The following SLCO1B3 variants were observed in gnomAD, a reference collection of about 807,000 sequenced individuals.
SLCO1B3 encodes solute carrier organic anion transporter family member 1B3.
A neutral mutation model predicts 71.8 loss-of-function variants in SLCO1B3; 72 were observed. That is an observed-to-expected ratio of 1.00 (90% CI 0.83 to 1.22). The LOEUF (loss-of-function observed/expected upper bound fraction) is 1.22. Among genes scored for constraint, SLCO1B3 ranks in the 50% most tolerant of loss-of-function variants. SLCO1B3 has a pLI of 0.00. For missense variants in SLCO1B3, 911 were observed against 819.7 expected (o/e 1.11, Z -1.36); for synonymous variants, 298 against 278.4 (o/e 1.07, Z -0.70).
chr12:20,915,922 A>T, intron 15 of SLCO1B3, 82 bp from the exon 16 acceptor site: 2 of 1,009,154 alleles, frequency 2.0e-6, no homozygotes, highest in Non-Finnish European at 2.9e-6. Context: ...TTCTTTTAAG[A>T]TATGCATACT....
chr12:20,832,583 A>T (rs1004353797), intron 3 of SLCO1B3, among the ~76,000 whole-genome samples: 5 of 152,008 alleles, frequency 3.3e-5, no homozygotes, highest in African/African-American at 1.2e-4. Flanking sequence ...CCACATATGT[A>T]ACTGCCACCA....
intron 3 of SLCO1B3, among the ~76,000 whole-genome samples, chr12:20,847,508 T>A (rs1436436422): frequency 6.6e-6 from 1 of 151,490 alleles, no homozygotes; most frequent in Non-Finnish European, 1.5e-5. Flanking sequence ...GTTGGCCCCT[T>A]GATCTCAGAC....
At chr12:20,866,459 G>A (rs899614303) in intron 8 of SLCO1B3, among the ~76,000 whole-genome samples, 3 of 65,960 alleles carry the variant, frequency 4.5e-5, no homozygotes, top group South Asian at 1.1e-3. Context: ...CTGTAGACTC[G>A]AAACATGATT....
intron 8 of SLCO1B3, among the ~76,000 whole-genome samples, chr12:20,871,885 A>G (rs1290328826): frequency 2.0e-5 from 3 of 152,046 alleles, no homozygotes; most frequent in Admixed American, 1.3e-4. Flanking sequence ...CTGTCGGGCT[A>G]CCATCTATGT....
chr12:20,813,897 C>T (rs1052984261), intron 2 of SLCO1B3, among the ~76,000 whole-genome samples: 3 of 152,012 alleles, frequency 2.0e-5, no homozygotes, highest in African/African-American at 4.8e-5. Flanking sequence ...TATTGCAAAA[C>T]GTGAGAATCA....
At chr12:20,894,910 C>A (rs1006466421) in intron 13 of SLCO1B3, among the ~76,000 whole-genome samples, 4 of 152,146 alleles carry the variant, frequency 2.6e-5, no homozygotes, top group African/African-American at 7.2e-5. Context: ...AATTACAGTT[C>A]CACGTGGCTG....
intron 13 of SLCO1B3, among the ~76,000 whole-genome samples, chr12:20,897,220 GT>G (rs1866029274): frequency 6.6e-6 from 1 of 152,172 alleles, no homozygotes; most frequent in African/African-American, 2.4e-5. Flanking sequence ...CACACTTTCT[GT>G]TTATTGTCTC....
chr12:20,818,896 T>C (rs1864239452), intron 3 of SLCO1B3, among the ~76,000 whole-genome samples: 1 of 152,200 alleles, frequency 6.6e-6, no homozygotes, highest in African/African-American at 2.4e-5. Context: ...GGAGGCTGGA[T>C]TGAAGTCCGG....
intron 3 of SLCO1B3, among the ~76,000 whole-genome samples, chr12:20,854,607 C>G (rs1312798253): frequency 1.3e-5 from 2 of 152,172 alleles, no homozygotes; most frequent in Non-Finnish European, 2.9e-5. Context: ...TTTGCCTCCA[C>G]AAAGTTCTAT....
At chr12:20,843,012 C>G (rs73233613) in intron 3 of SLCO1B3, among the ~76,000 whole-genome samples, 2,899 of 152,200 alleles carry the variant, frequency 0.019, 96 homozygotes, top group African/African-American at 0.066. Context: ...TTTTCAACCT[C>G]TGGAACTGTG....
chr12:20,912,804 G>T (rs1211159037), intron 15 of SLCO1B3, among the ~76,000 whole-genome samples: 1 of 149,046 alleles, frequency 6.7e-6, no homozygotes, highest in Non-Finnish European at 1.5e-5. Context: ...TTACAGGTGT[G>T]AGCCACTGCG....
intron 3 of SLCO1B3, among the ~76,000 whole-genome samples, chr12:20,835,337 C>T (rs964492651): frequency 6.6e-6 from 1 of 152,204 alleles, no homozygotes; most frequent in African/African-American, 2.4e-5. Flanking sequence ...CTCCTCATTA[C>T]TTACTCAAAT....
intron 3 of SLCO1B3, chr12:20,845,027 CAAAA>C (rs36120748): frequency 0.093 from 17,528 of 189,488 alleles, 5 homozygotes; most frequent in South Asian, 0.19. Flanking sequence ...AAGACTGTCT[CAAAA>C]AAAAAAAAAA....
At chr12:20,851,316 A>G (rs1474867781) in intron 3 of SLCO1B3, among the ~76,000 whole-genome samples, 1 of 152,172 alleles carries the variant, frequency 6.6e-6, no homozygotes, top group Non-Finnish European at 1.5e-5. Context: ...ACTTTTTCAC[A>G]TACTTATTAA....
intron 13 of SLCO1B3, among the ~76,000 whole-genome samples, chr12:20,889,914 A>T (rs1240349549): frequency 4.2e-5 from 3 of 71,738 alleles, no homozygotes; most frequent in African/African-American, 9.7e-5. Flanking sequence ...TCATTTTCTT[A>T]ATTTTTTTTT....
At chr12:20,814,032 G>A (rs1015113183) in intron 2 of SLCO1B3, among the ~76,000 whole-genome samples, 10 of 151,894 alleles carry the variant, frequency 6.6e-5, no homozygotes, top group African/African-American at 2.4e-4. Flanking sequence ...ATCTATATGA[G>A]CAGCTACATA....
At chr12:20,864,733 C>T (rs772538909) in intron 8 of SLCO1B3, among the ~76,000 whole-genome samples, 2 of 152,128 alleles carry the variant, frequency 1.3e-5, no homozygotes, top group Non-Finnish European at 2.9e-5. Flanking sequence ...AACTTCTACC[C>T]CTGACTGTTC....
chr12:20,822,962 G>T (rs1591743689), intron 3 of SLCO1B3, among the ~76,000 whole-genome samples: 1 of 151,996 alleles, frequency 6.6e-6, no homozygotes, highest in African/African-American at 2.4e-5. Flanking sequence ...CCCTGGTCTT[G>T]AATTTTGTCT....
intron 6 of SLCO1B3, 46 bp from the exon 7 acceptor site, chr12:20,862,366 A>G (rs1049381589): frequency 1.3e-6 from 2 of 1,530,308 alleles, no homozygotes; most frequent in Non-Finnish European, 1.8e-6. Context: ...TCTAATAGGA[A>G]TGTTAAAATT....
Sources: allele counts gnomAD v4.1 joint callset (sites outside exome capture counted in the v4.1 genomes callset), GRCh38; gene constraint gnomAD v4.1.1; transcripts MANE v1.5; gene names NCBI Gene and HGNC (gene_info 2026-07-23, HGNC 2026-07-21).